Variants in DERL1 observed in about 807,000 individuals in gnomAD.
DERL1 encodes the protein derlin 1.
In DERL1, 24 loss-of-function variants were observed where a neutral mutation model predicts 41.6. The ratio of observed to expected loss-of-function variants is 0.58; its 90% CI spans 0.42 to 0.81. The LOEUF (loss-of-function observed/expected upper bound fraction) is 0.81. DERL1 is among the 30% of genes least tolerant of loss of function. DERL1 has a pLI of 0.00. For synonymous variants in DERL1, 124 were observed against 112.5 expected (o/e 1.10, Z -0.65); for missense variants, 260 against 314.3 (o/e 0.83, Z 1.31).
At chr8:123,039,008 C>A (rs955629465) in intron 1 of DERL1, among the ~76,000 whole-genome samples, 1 of 152,218 alleles carries the variant, frequency 6.6e-6, no homozygotes, top group Non-Finnish European at 1.5e-5. Context: ...CCATCTCAGT[C>A]AAGGGCTCCG....
At chr8:123,027,218 C>T (rs919029699) in intron 2 of DERL1, among the ~76,000 whole-genome samples, 1 of 147,486 alleles carries the variant, frequency 6.8e-6, no homozygotes, top group Non-Finnish European at 1.5e-5. Flanking sequence ...TGCTTGAACT[C>T]GAGATGCAGA....
chr8:123,021,401 T>A (rs186276575), intron 6 of DERL1, 46 bp downstream of exon 6: 1 of 1,552,200 alleles, frequency 6.4e-7, no homozygotes, highest in African/African-American at 1.4e-5. Flanking sequence ...CTAATGGAAA[T>A]TTTCCAAGGA....
intron 1 of DERL1, among the ~76,000 whole-genome samples, chr8:123,037,504 A>G (rs1427774027): frequency 2.6e-5 from 4 of 152,224 alleles, no homozygotes; most frequent in African/African-American, 9.6e-5. Flanking sequence ...TAACTTGCCT[A>G]AGGGTACACA....
At chr8:123,031,477 G>A (rs967615587) in intron 1 of DERL1, among the ~76,000 whole-genome samples, 6 of 152,104 alleles carry the variant, frequency 3.9e-5, no homozygotes, top group African/African-American at 9.7e-5. Flanking sequence ...CCCAGGAGGC[G>A]GAGGTTGCAG....
intron 1 of DERL1, among the ~76,000 whole-genome samples, chr8:123,034,064 T>C (rs1046092032): frequency 6.6e-6 from 1 of 152,178 alleles, no homozygotes; most frequent in East Asian, 1.9e-4. Flanking sequence ...AGGGGACATG[T>C]GGACTTGTTA....
At chr8:123,036,567 A>G (rs1281234452) in intron 1 of DERL1, among the ~76,000 whole-genome samples, 2 of 152,232 alleles carry the variant, frequency 1.3e-5, no homozygotes, top group East Asian at 3.8e-4. Flanking sequence ...CTATAAACTT[A>G]TTATACATAC....
At chr8:123,031,567 A>T (rs906717997) in intron 1 of DERL1, among the ~76,000 whole-genome samples, 6 of 152,184 alleles carry the variant, frequency 3.9e-5, no homozygotes, top group African/African-American at 7.2e-5. Flanking sequence ...TAATTTAATT[A>T]AAATAAATTA....
intron 1 of DERL1, among the ~76,000 whole-genome samples, chr8:123,037,701 G>A (rs1346325593): frequency 6.6e-6 from 1 of 152,140 alleles, no homozygotes; most frequent in East Asian, 1.9e-4. Flanking sequence ...AAACAAAACA[G>A]CTTAGAACTA....
At chr8:123,020,966 CAAAAA>C (rs542307362) in intron 6 of DERL1, among the ~76,000 whole-genome samples, 1 of 82,846 alleles carries the variant, frequency 1.2e-5, no homozygotes, top group South Asian at 4.0e-4. Context: ...AACTTCGTCT[CAAAAA>C]AAAAAAAAAA....
intron 1 of DERL1, among the ~76,000 whole-genome samples, chr8:123,033,504 G>C (rs1812860283): frequency 6.6e-6 from 1 of 152,150 alleles, no homozygotes; most frequent in African/African-American, 2.4e-5. Context: ...AGCACTTTGG[G>C]AGGCCGAGGT....
chr8:123,021,660 C>T (rs1488640636), intron 5 of DERL1, among the ~76,000 whole-genome samples, 161 bp from the exon 6 acceptor site: 1 of 152,178 alleles, frequency 6.6e-6, no homozygotes, highest in East Asian at 1.9e-4. Flanking sequence ...ATTATTCCCA[C>T]TATACTTAAA....
chr8:123,025,250 G>A (rs1261366427), intron 2 of DERL1, among the ~76,000 whole-genome samples, 200 bp from the exon 3 acceptor site: 3 of 152,176 alleles, frequency 2.0e-5, no homozygotes, highest in African/African-American at 4.8e-5. Flanking sequence ...ACCTGAGTAA[G>A]GTTAATCTAT....
At chr8:123,029,488 A>G (rs115874139) in intron 2 of DERL1, among the ~76,000 whole-genome samples, 1,847 of 152,336 alleles carry the variant, frequency 0.012, 33 homozygotes, top group African/African-American at 0.041. Flanking sequence ...CTGATTCGCA[A>G]TTCTCAACCA....
In DERL1 at chr8:123,015,380, T is replaced by A. The variant is rs1438082576; in HGVS notation, c.*67A>T. 2.5e-6 allele frequency: 4 copies of A among 1,576,460 alleles called. No homozygotes were observed. The highest frequency in any genetic ancestry group is 3.5e-6 in the Non-Finnish European group (4 of 1,159,404). ...TCCAACAGTGTTAGCCAGAACGCAG[T>A]TGTTAAGTGCACCCAGCACTGGGAG... On this transcript the variant is annotated 3_prime_UTR_variant, in exon 8 of 8. Transcript: ENST00000259512.
Position 123,015,450 on chromosome 8 carries a change from C to T in DERL1, c.753G>A (p.Gln251=). 6.2e-7 allele frequency: 1 copy of T among 1,612,716 alleles called. No individual in the cohort carries two copies. Among genetic ancestry groups the T allele is most frequent in the Non-Finnish European group, 8.5e-7 (1 of 1,179,388 alleles). Residue 251 remains glutamine, a synonymous_variant, in exon 8 of 8, where the codon CAG becomes CAA. Coordinates refer to ENST00000259512, the MANE Select transcript of DERL1 (RefSeq NM_024295.6). ...NWGQGFRLGD[Q] ...GCGGCTGCCCGAGGCCGCCCCTTCA[C>T]TGGTCTCCAAGTCGAAAGCCCTGGC...
intron 2 of DERL1, among the ~76,000 whole-genome samples, chr8:123,029,322 G>A (rs944853948): frequency 1.3e-5 from 2 of 152,044 alleles, no homozygotes; most frequent in African/African-American, 4.8e-5. Context: ...AATAAACTAG[G>A]TTCCTCCCAA....
rs549931976 is a variant in DERL1, at chr8:123,014,881, G to A, written c.*566C>T. 6 of 152,312 alleles carry A rather than the reference G, an allele frequency of 3.9e-5. No individual in the cohort carries two copies. The highest frequency in any genetic ancestry group is 6.5e-5 in the Admixed American group (1 of 15,298). The allele number at this position is 152,312 out of a possible 1,614,324, so 9.4% of individuals were successfully genotyped here. On this transcript the variant is annotated 3_prime_UTR_variant, in exon 8 of 8. Transcript: ENST00000259512. ...CAAAAGCTGAGAAAACGCTTCATCC[G>A]CTGCTTGTCTTCTCCCCCTATTGCT...
At chr8:123,019,775 T>G (rs1814708875) in intron 6 of DERL1, among the ~76,000 whole-genome samples, 1 of 152,162 alleles carries the variant, frequency 6.6e-6, no homozygotes, top group Non-Finnish European at 1.5e-5. Context: ...CTCCCTTGCC[T>G]CTTGTATCCT....
chr8:123,016,736 A>G (rs1405609037), intron 7 of DERL1: 1 of 152,224 alleles, frequency 6.6e-6, no homozygotes, highest in Admixed American at 6.5e-5. Context: ...GTTATACTAC[A>G]TGCATCCTGC....
Sources: gnomAD v4.1 joint callset for allele counts (sites outside exome capture counted in the v4.1 genomes callset) on GRCh38, gnomAD v4.1.1 for gene constraint, MANE v1.5 for transcripts, NCBI Gene and HGNC (gene_info 2026-07-23, HGNC 2026-07-21) for gene names.